PDE7B: variants seen among roughly 807,000 people sequenced by gnomAD.
PDE7B encodes 3',5'-cyclic-AMP phosphodiesterase 7B.
PDE7B carries 29 observed loss-of-function variants against 56.2 expected under a neutral mutation model. That is an observed-to-expected ratio of 0.52 (90% confidence interval 0.38 to 0.70). PDE7B has a LOEUF of 0.70. Among genes scored for constraint, PDE7B ranks in the 30% least tolerant of loss-of-function variants. The pLI is 0.00. For missense variants in PDE7B, 490 were observed against 565.0 expected (o/e 0.87, Z 1.35); for synonymous variants, 197 against 196.9 (o/e 1.00, Z 0.00).
At chr6:136,039,788 C>T (rs965242938) in intron 2 of PDE7B, among the ~76,000 whole-genome samples, 7 of 152,006 alleles carry the variant, frequency 4.6e-5, no homozygotes, top group Admixed American at 2.0e-4. Flanking sequence ...AATGAGGTAA[C>T]GCTAAACCAG....
intron 1 of PDE7B, among the ~76,000 whole-genome samples, chr6:135,894,034 C>T (rs1370065418): frequency 6.6e-6 from 1 of 152,022 alleles, no homozygotes; most frequent in Non-Finnish European, 1.5e-5. Context: ...TTGAATAGGC[C>T]ACTAAGGTGA....
At chr6:135,903,235 G>A (rs77384441) in intron 1 of PDE7B, among the ~76,000 whole-genome samples, 207 of 152,196 alleles carry the variant, frequency 1.4e-3, no homozygotes, top group Non-Finnish European at 2.5e-3. Context: ...CATCTATTTC[G>A]TCTTTGCAAA....
At chr6:136,006,282 C>A (rs980068363) in intron 2 of PDE7B, among the ~76,000 whole-genome samples, 2 of 151,022 alleles carry the variant, frequency 1.3e-5, no homozygotes, top group South Asian at 2.1e-4. Flanking sequence ...GTGCAGCACA[C>A]CAGCATGACA....
intron 1 of PDE7B, among the ~76,000 whole-genome samples, chr6:135,873,128 A>T (rs1421736960): frequency 6.6e-6 from 1 of 152,154 alleles, no homozygotes; most frequent in Non-Finnish European, 1.5e-5. Context: ...AAGCTGGGTG[A>T]GTGAGCTGAG....
chr6:135,890,105 G>GTACC (rs1775784927), intron 1 of PDE7B, among the ~76,000 whole-genome samples: 1 of 152,214 alleles, frequency 6.6e-6, no homozygotes, highest in Admixed American at 6.5e-5. Flanking sequence ...GGACATGAGT[G>GTACC]TACCAATTGT....
intron 1 of PDE7B, among the ~76,000 whole-genome samples, chr6:135,861,951 T>C (rs1356756447): frequency 6.6e-6 from 1 of 151,890 alleles, no homozygotes; most frequent in Non-Finnish European, 1.5e-5. Context: ...ACAATCAACT[T>C]CTGTATATCA....
intron 2 of PDE7B, among the ~76,000 whole-genome samples, chr6:135,951,326 C>A (rs1227146269): frequency 2.6e-5 from 4 of 152,034 alleles, no homozygotes; most frequent in African/African-American, 9.7e-5. Context: ...CTTTTACCTT[C>A]TTCAGGTCTC....
intron 5 of PDE7B, 32 bp downstream of exon 5, chr6:136,149,182 A>G: frequency 1.4e-6 from 2 of 1,384,898 alleles, no homozygotes; most frequent in Middle Eastern, 1.8e-4. Flanking sequence ...TCACTAAAAT[A>G]TACACCATAA....
intron 8 of PDE7B, among the ~76,000 whole-genome samples, chr6:136,171,923 T>G (rs1039004701): frequency 6.6e-6 from 1 of 151,826 alleles, no homozygotes; most frequent in African/African-American, 2.4e-5. Context: ...TTACTGAGAA[T>G]GATGATTTCC....
chr6:136,181,092 T>A lies in PDE7B; in HGVS notation c.949-135T>A, dbSNP rs1418410661. On this transcript the variant is annotated intron_variant, in intron 10 of 12. Transcript: ENST00000308191. ...AAGTGCAGTTTCCTGAAGAGGCATG[T>A]CAGGGAGGTACTCTGTAAATATGGG... 4.5e-6 allele frequency: 3 copies of A among 669,256 alleles called. No homozygotes were observed. The African/African-American group carries it at 5.3e-5, about 12-fold the overall frequency. 41.5% of individuals were successfully genotyped at this position (669,256 alleles called of 1,614,324 possible).
chr6:136,193,106 T>G lies in PDE7B; in HGVS notation c.*1266T>G, dbSNP rs1779255784. 6.6e-6 allele frequency: 1 copy of G among 152,658 alleles called. No homozygotes were observed. The highest frequency in any genetic ancestry group is 2.1e-4 in the South Asian group (1 of 4,830). The allele number at this position is 152,658 out of a possible 1,614,324, so 9.5% of individuals were successfully genotyped here. A position where few individuals can be genotyped will look rare whatever the true frequency, so the allele number is the denominator to read the frequency against. ...GCCAGCTGCTAAGCTTGTGTTTATG[T>G]GACTCTTGTTACAGATCATGGCGGT... On this transcript the variant is annotated 3_prime_UTR_variant, in exon 13 of 13. Transcript: ENST00000308191.
At chr6:135,969,757 G>A (rs1775060079) in intron 2 of PDE7B, among the ~76,000 whole-genome samples, 1 of 152,138 alleles carries the variant, frequency 6.6e-6, no homozygotes, top group African/African-American at 2.4e-5. Flanking sequence ...ATTGACAAAT[G>A]GGACCTAATT....
At chr6:135,981,352 T>C (rs929452057) in intron 2 of PDE7B, among the ~76,000 whole-genome samples, 1 of 150,028 alleles carries the variant, frequency 6.7e-6, no homozygotes, top group African/African-American at 2.4e-5. Context: ...AGTTAGAGGG[T>C]GCAGCGCACC....
At chr6:136,139,943 T>G (rs1778290409) in intron 3 of PDE7B, among the ~76,000 whole-genome samples, 2 of 152,332 alleles carry the variant, frequency 1.3e-5, no homozygotes, top group African/African-American at 4.8e-5. Context: ...TGATGGTAGT[T>G]TCTTTTGTTG....
chr6:136,105,836 T>G (rs1326746575), intron 2 of PDE7B, among the ~76,000 whole-genome samples: 3 of 152,142 alleles, frequency 2.0e-5, no homozygotes, highest in Non-Finnish European at 4.4e-5. Flanking sequence ...AATCTAAAAC[T>G]TTACGTAATA....
intron 8 of PDE7B, among the ~76,000 whole-genome samples, chr6:136,170,633 A>T (rs1165938250): frequency 6.6e-6 from 1 of 152,138 alleles, no homozygotes; most frequent in African/African-American, 2.4e-5. Context: ...TGAGTAATTT[A>T]CAAGGAAGCA....
chr6:135,990,107 T>G (rs563336317), intron 2 of PDE7B, among the ~76,000 whole-genome samples: 1 of 151,114 alleles, frequency 6.6e-6, no homozygotes, highest in East Asian at 1.9e-4. Context: ...TGTTTTTTTT[T>G]TTTTTTGAGA....
intron 8 of PDE7B, among the ~76,000 whole-genome samples, chr6:136,173,252 ATAC>A (rs1211286801): frequency 1.3e-5 from 2 of 152,228 alleles, no homozygotes; most frequent in Non-Finnish European, 2.9e-5. Flanking sequence ...ACTTCAAAAT[ATAC>A]TACAAGGCTA....
At chr6:136,108,878 T>C (rs1583885703) in intron 3 of PDE7B, 64 bp downstream of exon 3, 1 of 1,033,062 alleles carries the variant, frequency 9.7e-7, no homozygotes, top group Non-Finnish European at 1.5e-6. Context: ...AAAAAAATCC[T>C]CATTTCCCTC....
Sources: allele counts gnomAD v4.1 joint callset (sites outside exome capture counted in the v4.1 genomes callset), GRCh38; gene constraint gnomAD v4.1.1; transcripts MANE v1.5; gene names NCBI Gene and HGNC (gene_info 2026-07-23, HGNC 2026-07-21).